Variants in CATSPERB observed in about 807,000 individuals in gnomAD.
CATSPERB encodes the protein catsper channel auxiliary subunit beta.
Under a neutral mutation model 128.3 loss-of-function variants are expected in CATSPERB, and 93 were observed. The ratio of observed to expected loss-of-function variants is 0.72; its 90% CI spans 0.61 to 0.86. The LOEUF is 0.86. Among genes scored for constraint, CATSPERB ranks in the 40% least tolerant of loss-of-function variants. CATSPERB has a pLI of 0.00. For missense variants in CATSPERB, 1,153 were observed against 1,329.5 expected, an observed-to-expected ratio of 0.87 and a Z score of 2.06; for synonymous variants, 381 against 448.8, an observed-to-expected ratio of 0.85 and a Z score of 1.91.
intron 22 of CATSPERB, among the ~76,000 whole-genome samples, chr14:91,594,664 G>A (rs568144046): frequency 4.7e-4 from 72 of 152,184 alleles, no homozygotes; most frequent in African/African-American, 1.7e-3. Context: ...AATACAATGG[G>A]GAGGTCCCAA....
intron 22 of CATSPERB, among the ~76,000 whole-genome samples, chr14:91,606,620 C>T (rs1201339055): frequency 6.6e-6 from 1 of 152,168 alleles, no homozygotes; most frequent in South Asian, 2.1e-4. Context: ...TATGCAGGGC[C>T]GTACTGTTCA....
chr14:91,657,926 A>C (rs1209963066), intron 15 of CATSPERB, among the ~76,000 whole-genome samples: 13 of 152,182 alleles, frequency 8.5e-5, no homozygotes, highest in Non-Finnish European at 1.9e-4. Flanking sequence ...TGGTGGGAAT[A>C]TAAATTAGTA....
rs147390817 is a variant in CATSPERB, at chr14:91,639,480, G to A, written c.1433-230C>T. Among the ~76,000 whole-genome samples, 209 of 152,280 alleles carry A rather than the reference G, an allele frequency of 1.4e-3. 1 individual carries two copies. The highest frequency in any genetic ancestry group is 4.2e-3 in the Admixed American group (64 of 15,296). ...ACTGAAGTAGGGGAAGAAACAAACA[G>A]AGGGGATGTTTAATTAAGAGATCTA... On this transcript the variant is annotated intron_variant, in intron 15 of 26. Coordinates refer to ENST00000256343, the MANE Select transcript of CATSPERB (RefSeq NM_024764.4).
Position 91,713,239 on chromosome 14 carries a change from T to C in CATSPERB, c.371-5003A>G, listed in dbSNP as rs114509794. Among the ~76,000 whole-genome samples, 453 of 151,892 alleles carry C rather than the reference T, an allele frequency of 3.0e-3. 2 individuals are homozygous for C. Among genetic ancestry groups the C allele is most frequent in the African/African-American group, 0.01 (426 of 41,442 alleles). ...GGCAGTAGGCAGGATCAGGGGTCAG[T>C]ACTTTGCTGACCCCTGATCTAAAGA... is the stretch of plus-strand genomic sequence containing the variant. On this transcript the variant is annotated intron_variant, in intron 5 of 26. Coordinates refer to ENST00000256343, the MANE Select transcript of CATSPERB (RefSeq NM_024764.4).
chr14:91,678,585 T>C (rs1042203553), intron 11 of CATSPERB, among the ~76,000 whole-genome samples: 2 of 152,206 alleles, frequency 1.3e-5, no homozygotes, highest in African/African-American at 4.8e-5. Context: ...CCAAAAGCTC[T>C]TCAAGTGCAC....
intron 7 of CATSPERB, among the ~76,000 whole-genome samples, chr14:91,701,341 T>C (rs1490051377): frequency 6.6e-6 from 1 of 152,070 alleles, no homozygotes; most frequent in African/African-American, 2.4e-5. Flanking sequence ...TTTTGAAATA[T>C]GTGATATGTG....
chr14:91,703,377 AT>A (rs1034182184), intron 7 of CATSPERB, among the ~76,000 whole-genome samples: 1 of 152,110 alleles, frequency 6.6e-6, no homozygotes, highest in African/African-American at 2.4e-5. Context: ...TTGTTATAAC[AT>A]TTGGTCTTTG....
intron 12 of CATSPERB, among the ~76,000 whole-genome samples, chr14:91,673,788 CAGG>C (rs2139832588): frequency 1.3e-5 from 2 of 151,804 alleles, no homozygotes; most frequent in East Asian, 3.9e-4. Flanking sequence ...TATGCTGAGG[CAGG>C]AGAATTGCTT....
At chr14:91,634,334 G>A (rs1002932583) in intron 17 of CATSPERB, among the ~76,000 whole-genome samples, 1 of 152,074 alleles carries the variant, frequency 6.6e-6, no homozygotes, top group African/African-American at 2.4e-5. Flanking sequence ...CTCAGGGGTG[G>A]CAGAGGCAGA....
chr14:91,658,463 A>G (rs2139819924), intron 15 of CATSPERB, among the ~76,000 whole-genome samples: 1 of 152,008 alleles, frequency 6.6e-6, no homozygotes, highest in African/African-American at 2.4e-5. Flanking sequence ...TAGAATGAAT[A>G]AGATCTAGTA....
chr14:91,662,288 T>A (rs868436172), intron 14 of CATSPERB, among the ~76,000 whole-genome samples: 7 of 152,322 alleles, frequency 4.6e-5, no homozygotes, highest in Admixed American at 1.3e-4. Flanking sequence ...TTTTGCTCCT[T>A]GTAAAAAGGG....
In CATSPERB at chr14:91,699,342, TC is replaced by T. The variant is rs375469783; in HGVS notation, c.616+5209del. Among the ~76,000 whole-genome samples, 568 of 152,084 alleles carry T rather than the reference TC, an allele frequency of 3.7e-3. 4 individuals are homozygous for T. The highest frequency in any genetic ancestry group is 0.013 in the African/African-American group (544 of 41,474). Reference sequence around the variant, plus strand: ...ACCAGCAGTGTATAAGCATTCCCTTTCCCCCACATCCATACTGCCCAAAACT... The same window carrying T: ...ACCAGCAGTGTATAAGCATTCCCTTTCCCCACATCCATACTGCCCAAAACT... On this transcript the variant is annotated intron_variant, in intron 7 of 26. Transcript: ENST00000256343.
intron 7 of CATSPERB, among the ~76,000 whole-genome samples, chr14:91,703,112 G>A (rs1172303683): frequency 6.6e-6 from 1 of 151,784 alleles, no homozygotes; most frequent in Non-Finnish European, 1.5e-5. Flanking sequence ...TTATCTACGA[G>A]TAATAAAATT....
chr14:91,657,510 C>T lies in CATSPERB; in HGVS notation c.1432+2327G>A, dbSNP rs146045028. 4.7e-3 allele frequency among the ~76,000 whole-genome samples: 722 copies of T among 152,048 alleles called. 23 individuals are homozygous for T. The highest frequency in any genetic ancestry group is 0.043 in the Admixed American group (660 of 15,274). ...CAAACACAGGGAACCAAAGCAAAAA[C>T]GGACAAATGGAATCACATCAAGTTA... On this transcript the variant is annotated intron_variant, in intron 15 of 26. Transcript: ENST00000256343.
chr14:91,597,859 A>G (rs1043908069), intron 22 of CATSPERB, among the ~76,000 whole-genome samples: 4 of 152,250 alleles, frequency 2.6e-5, no homozygotes, highest in African/African-American at 9.6e-5. Context: ...TCAATGTTAC[A>G]AGCACTTTAA....
At chr14:91,727,649 T>C (rs1896139895) in intron 2 of CATSPERB, among the ~76,000 whole-genome samples, 1 of 152,232 alleles carries the variant, frequency 6.6e-6, no homozygotes, top group African/African-American at 2.4e-5. Flanking sequence ...TATAATTTGA[T>C]TGTGAAGTCC....
chr14:91,666,884 G>A lies in CATSPERB; in HGVS notation c.1287+2930C>T, dbSNP rs113044981. ...CAAGCATGACTGCCAACAAATTATA[G>A]TCCAGATTTATGCCGCCCGAGATGA... On this transcript the variant is annotated intron_variant, in intron 14 of 26. Transcript: ENST00000256343. 1.1e-4 allele frequency among the ~76,000 whole-genome samples: 17 copies of A among 152,312 alleles called. 1 individual carries two copies. Among genetic ancestry groups the A allele is most frequent in the African/African-American group, 4.1e-4 (17 of 41,574 alleles).
At chr14:91,630,455 A>G (rs1450441283) in intron 17 of CATSPERB, among the ~76,000 whole-genome samples, 2 of 152,220 alleles carry the variant, frequency 1.3e-5, no homozygotes, top group African/African-American at 2.4e-5. Flanking sequence ...TTAGATACCT[A>G]GCACACATTT....
Position 91,602,695 on chromosome 14 carries a change from T to A in CATSPERB, c.2709+5599A>T, listed in dbSNP as rs201455825. Among the ~76,000 whole-genome samples the A allele has an allele frequency of 1.1e-4, 16 of 152,216 alleles. No homozygotes were observed. In the East Asian group the frequency reaches 2.9e-3, roughly 28 times the overall value. Reference sequence around the variant, plus strand: ...CTTATTCCTTATCAGAAATAAAATATAAAACAAATCTGTCCAAATGTTCAG... The same window carrying A: ...CTTATTCCTTATCAGAAATAAAATAAAAAACAAATCTGTCCAAATGTTCAG... On this transcript the variant is annotated intron_variant, in intron 22 of 26. Transcript: ENST00000256343.
Sources: gnomAD v4.1 joint callset for allele counts (sites outside exome capture counted in the v4.1 genomes callset) on GRCh38, gnomAD v4.1.1 for gene constraint, MANE v1.5 for transcripts, NCBI Gene and HGNC (gene_info 2026-07-23, HGNC 2026-07-21) for gene names.